The following THADA variants were observed in gnomAD, a reference collection of about 807,000 sequenced individuals.
THADA encodes tRNA (32-2'-O)-methyltransferase regulator THADA.
Under a neutral mutation model 219.8 loss-of-function variants are expected in THADA, and 213 were observed. The ratio of observed to expected loss-of-function variants is 0.97; its 90% CI spans 0.87 to 1.09. The LOEUF is 1.09. Ranked by LOEUF, THADA falls within the 50% of genes least tolerant of loss-of-function variation. THADA has a pLI of 0.00. For missense variants in THADA, 2,956 were observed against 2,311.3 expected (o/e 1.28, Z -5.72); for synonymous variants, 1,018 against 828.9 (o/e 1.23, Z -3.92).
chr2:43,409,815 T>G (rs1489438493), intron 28 of THADA, among the ~76,000 whole-genome samples: 1 of 151,330 alleles, frequency 6.6e-6, no homozygotes, highest in Non-Finnish European at 1.5e-5. Context: ...GGGCCAGGAG[T>G]TCGAGACCAG....
chr2:43,240,582 G>A (rs1446948806), intron 36 of THADA, among the ~76,000 whole-genome samples: 6 of 152,150 alleles, frequency 3.9e-5, no homozygotes, highest in African/African-American at 7.2e-5. Context: ...CAGAGCCCAG[G>A]CTCAGAGCTG....
At position 43,256,335 on chromosome 2, in the gene THADA, C is replaced by A. The variant is rs1670306845; in HGVS notation, c.5296+23430G>T. Among the ~76,000 whole-genome samples, 4 of 152,056 alleles carry A rather than the reference C, an allele frequency of 2.6e-5. No individual in the cohort carries two copies. In the South Asian group the frequency reaches 8.3e-4, roughly 31 times the overall value. Reference sequence around the variant, plus strand: ...GACCAGCCTGAGCAGCACAGCGAGACCTTGTCTCTCTTCTACTTTTTTTTT... The same window carrying A: ...GACCAGCCTGAGCAGCACAGCGAGAACTTGTCTCTCTTCTACTTTTTTTTT... On this transcript the variant is annotated intron_variant, in intron 36 of 37. Transcript: ENST00000405975.
intron 36 of THADA, among the ~76,000 whole-genome samples, chr2:43,259,515 T>C (rs954078108): frequency 2.6e-5 from 4 of 152,240 alleles, no homozygotes; most frequent in African/African-American, 7.2e-5. Context: ...TAATTCATAA[T>C]ATGGAGCTTT....
chr2:43,539,637 T>C (rs767871977), intron 21 of THADA, among the ~76,000 whole-genome samples: 14 of 152,198 alleles, frequency 9.2e-5, no homozygotes, highest in Non-Finnish European at 1.8e-4. Context: ...TTCTCACGCC[T>C]ATGTATGTGA....
chr2:43,592,088 G>A, intron 2 of THADA, 42 bp from the exon 3 acceptor site: 2 of 1,452,474 alleles, frequency 1.4e-6, no homozygotes, highest in Non-Finnish European at 1.9e-6. Context: ...TGATTTAACA[G>A]TGAGTTAACT....
intron 35 of THADA, among the ~76,000 whole-genome samples, chr2:43,283,475 T>C (rs1485389072): frequency 2.0e-5 from 3 of 152,224 alleles, no homozygotes; most frequent in Non-Finnish European, 4.4e-5. Context: ...ACTTGTTGAA[T>C]GGTTTTGATC....
chr2:43,467,087 C>CAGGAGA lies in THADA; in HGVS notation c.3836+18141_3836+18146dup, dbSNP rs1433757821. On this transcript the variant is annotated intron_variant, in intron 26 of 37. Coordinates refer to ENST00000405975, the MANE Select transcript of THADA (RefSeq NM_022065.5). The stretch of plus-strand genomic sequence containing the variant: ...GTCCCAGCTACTCGGGAGGCTGAGG[C>CAGGAGA]AGGAGAATGGCGTGAACCCGGGAGG... Among the ~76,000 whole-genome samples the CAGGAGA allele has an allele frequency of 2.1e-5, 3 of 144,482 alleles. No homozygotes were observed. The East Asian group carries it at 6.1e-4, about 29-fold the overall frequency. The allele number at this position is 144,482 out of a possible 152,430, so 94.8% of individuals were successfully genotyped here. A position where few individuals can be genotyped will look rare whatever the true frequency, so the allele number is the denominator to read the frequency against.
chr2:43,518,036 T>C (rs1691950349), intron 22 of THADA, among the ~76,000 whole-genome samples: 1 of 152,202 alleles, frequency 6.6e-6, no homozygotes, highest in African/African-American at 2.4e-5. Flanking sequence ...GGAAAGAATC[T>C]TCCTTACCAC....
intron 21 of THADA, among the ~76,000 whole-genome samples, chr2:43,537,189 T>C (rs1449642022): frequency 6.6e-6 from 1 of 152,276 alleles, no homozygotes; most frequent in African/African-American, 2.4e-5. Context: ...AATAATTTTC[T>C]ACCACTCAGA....
intron 22 of THADA, among the ~76,000 whole-genome samples, chr2:43,512,254 C>A (rs1690572806): frequency 6.6e-6 from 1 of 152,072 alleles, no homozygotes; most frequent in African/African-American, 2.4e-5. Flanking sequence ...CTGGAATTCC[C>A]CAGCATCAAA....
At chr2:43,448,292 T>A (rs555767841) in intron 26 of THADA, among the ~76,000 whole-genome samples, 4 of 152,354 alleles carry the variant, frequency 2.6e-5, no homozygotes, top group African/African-American at 9.6e-5. Context: ...CTCCTAGAAC[T>A]GTAGCAGCTA....
At chr2:43,340,861 T>C (rs950893070) in intron 30 of THADA, among the ~76,000 whole-genome samples, 50 of 152,010 alleles carry the variant, frequency 3.3e-4, no homozygotes, top group African/African-American at 1.2e-3. Context: ...CGAGAGGGGG[T>C]GTGTCTGAGC....
At chr2:43,371,594 C>G (rs1670812435) in intron 29 of THADA, among the ~76,000 whole-genome samples, 2 of 152,108 alleles carry the variant, frequency 1.3e-5, no homozygotes, top group Admixed American at 6.6e-5. Flanking sequence ...ACAAAACATG[C>G]ATTCTTTTCT....
At position 43,279,829 on chromosome 2, in the gene THADA, A is replaced by G. The variant is rs1308542709; in HGVS notation, c.5232T>C (p.Val1744=). 1.3e-6 allele frequency: 2 copies of G among 1,562,742 alleles called. No individual in the cohort carries two copies. Among genetic ancestry groups the G allele is most frequent in the African/African-American group, 2.7e-5 (2 of 74,010 alleles). The change falls in exon 36 of 38, where the codon GTT becomes GTC. Residue 1744 remains valine, a synonymous_variant. Coordinates refer to ENST00000405975, the MANE Select transcript of THADA (RefSeq NM_022065.5). ...LTLLQSEEQA[V]RDAATETVTT... ...TCACGGTTTCCGTGGCTGCATCTCT[A>G]ACAGCTTGCTCCTCACTCTGCAGAA...
At chr2:43,515,336 A>ATG (rs1193227247) in intron 22 of THADA, among the ~76,000 whole-genome samples, 7 of 47,878 alleles carry the variant, frequency 1.5e-4, no homozygotes, top group Admixed American at 6.4e-4. Flanking sequence ...AATATATAAT[A>ATG]TAATATATAA....
chr2:43,514,076 T>G (rs896532894), intron 22 of THADA, among the ~76,000 whole-genome samples: 11 of 141,092 alleles, frequency 7.8e-5, no homozygotes, highest in Non-Finnish European at 1.2e-4. Context: ...AAAAAAAAAA[T>G]AAAGAACAAG....
rs1443179678 is a variant in THADA at position 43,247,754 on chromosome 2, A to AG, written c.5297-14873dup. ...AAAAAAAAAAAAAAAAAAAAAAAAAAGGGGGGTGCTGGGCATAGTGGCTCA... is the reference window on the plus strand; with the variant it reads ...AAAAAAAAAAAAAAAAAAAAAAAAAAGGGGGGGTGCTGGGCATAGTGGCTCA... On this transcript the variant is annotated intron_variant, in intron 36 of 37. Transcript: ENST00000405975. 1.2e-3 allele frequency among the ~76,000 whole-genome samples: 153 copies of AG among 130,724 alleles called. 5 individuals carry two copies. Among genetic ancestry groups the AG allele is most frequent in the African/African-American group, 3.1e-3 (107 of 34,734 alleles). 85.8% of individuals were successfully genotyped at this position (130,724 alleles called of 152,430 possible).
chr2:43,511,489 C>G (rs1164971612), intron 22 of THADA, among the ~76,000 whole-genome samples: 1 of 152,160 alleles, frequency 6.6e-6, no homozygotes, highest in African/African-American at 2.4e-5. Flanking sequence ...ACCAAATCAT[C>G]TAACTCCTCT....
intron 26 of THADA, among the ~76,000 whole-genome samples, chr2:43,470,699 A>G (rs973032461): frequency 5.3e-5 from 8 of 152,228 alleles, no homozygotes; most frequent in Admixed American, 4.6e-4. Flanking sequence ...CATATTCTCC[A>G]TTATTTTAAA....
Sources: allele counts gnomAD v4.1 joint callset (sites outside exome capture counted in the v4.1 genomes callset), GRCh38; gene constraint gnomAD v4.1.1; transcripts MANE v1.5; gene names NCBI Gene and HGNC (gene_info 2026-07-23, HGNC 2026-07-21).